CYP3A7: variants seen among roughly 807,000 people sequenced by gnomAD.
The protein encoded by CYP3A7 is cytochrome P450 3A7.
Under a neutral mutation model 55.2 loss-of-function variants are expected in CYP3A7, and 45 were observed. That is an observed-to-expected ratio of 0.82 (90% CI 0.64 to 1.05). The LOEUF is 1.05. CYP3A7 is among the 50% of genes least tolerant of loss of function. The probability of loss-of-function intolerance (pLI) is 0.00; values close to 1 mark genes in which losing one functional copy is unlikely to be tolerated. For missense variants in CYP3A7, 548 were observed against 605.3 expected (o/e 0.91, Z 0.99); for synonymous variants, 180 against 207.4 (o/e 0.87, Z 1.13).
chr7:99,707,238 TC>T (rs1469775252), intron 12 of CYP3A7, among the ~76,000 whole-genome samples: 2 of 152,202 alleles, frequency 1.3e-5, no homozygotes, highest in Non-Finnish European at 1.5e-5. Flanking sequence ...TGGTAGTCCT[TC>T]GTATCCAATA....
At chr7:99,707,667 A>AGATCATAG in intron 12 of CYP3A7, 145 bp downstream of exon 12, 2 of 1,364,538 alleles carry the variant, frequency 1.5e-6, no homozygotes, top group Non-Finnish European at 2.0e-6. Context: ...GCACCCTTAA[A>AGATCATAG]GATCATAGAT....
chr7:99,723,634 G>T (rs1814295859), intron 2 of CYP3A7, among the ~76,000 whole-genome samples: 2 of 152,066 alleles, frequency 1.3e-5, no homozygotes, highest in South Asian at 4.2e-4. Context: ...CCCTGTCCTC[G>T]CCCTCACTCC....
chr7:99,708,496 CTAA>C (rs1392153886), intron 11 of CYP3A7, among the ~76,000 whole-genome samples: 4 of 152,028 alleles, frequency 2.6e-5, no homozygotes, highest in Admixed American at 2.0e-4. Context: ...CCTCCTTCTT[CTAA>C]TCTCCATCTC....
chr7:99,715,131 C>T (rs1484909028), intron 7 of CYP3A7, among the ~76,000 whole-genome samples: 2 of 152,034 alleles, frequency 1.3e-5, no homozygotes, highest in Non-Finnish European at 2.9e-5. Flanking sequence ...CTCACACATA[C>T]GTGGAAGTTA....
At chr7:99,719,152 T>C (rs1481608883) in intron 4 of CYP3A7, among the ~76,000 whole-genome samples, 1 of 152,202 alleles carries the variant, frequency 6.6e-6, no homozygotes, top group African/African-American at 2.4e-5. Context: ...AGAGACTCAT[T>C]CTGAATTTTT....
chr7:99,714,036 G>T (rs1813847067), intron 8 of CYP3A7, among the ~76,000 whole-genome samples: 1 of 152,156 alleles, frequency 6.6e-6, no homozygotes, highest in African/African-American at 2.4e-5. Context: ...AGCCAGCCTT[G>T]CAGCCTCAAT....
chr7:99,707,802 A>G lies in CYP3A7; in HGVS notation c.1416+10T>C, dbSNP rs1200061785. On this transcript the variant is annotated intron_variant, in intron 12 of 12. Coordinates refer to ENST00000336374, the MANE Select transcript of CYP3A7 (RefSeq NM_000765.5). ...TAATAAAACATTATTAATGCAGAAA[A>G]TTGACTGACCTGTGTTTCTTTACAA... 1.9e-6 allele frequency: 3 copies of G among 1,613,630 alleles called. No homozygotes were observed. The highest frequency in any genetic ancestry group is 3.3e-5 in the Admixed American group (2 of 59,972).
chr7:99,723,685 C>A (rs1390191585), intron 2 of CYP3A7, among the ~76,000 whole-genome samples: 2 of 152,184 alleles, frequency 1.3e-5, no homozygotes, highest in Non-Finnish European at 1.5e-5. Flanking sequence ...CCAGCCAGCC[C>A]AAGGTCATCT....
intron 2 of CYP3A7, 142 bp from the exon 3 acceptor site, chr7:99,722,490 G>T: frequency 9.8e-7 from 1 of 1,024,880 alleles, no homozygotes; most frequent in Non-Finnish European, 1.4e-6. Flanking sequence ...TGTCATAAGA[G>T]AAAGGAAACA....
At position 99,710,899 on chromosome 7, in the gene CYP3A7, G is replaced by C. The variant is rs1813724600; in HGVS notation, c.866-7C>G. 6.2e-7 allele frequency: 1 copy of C among 1,613,626 alleles called. No homozygotes were observed. Among genetic ancestry groups the C allele is most frequent in the African/African-American group, 1.3e-5 (1 of 75,010 alleles). On this transcript the variant is annotated splice_region_variant and splice_polypyrimidine_tract_variant and intron_variant, in intron 9 of 12. Transcript: ENST00000336374. ...AGCTCCAGATCAGACAGAGCTGAAAGGAGAGAAAAGACATTTTAGGTAAAT... is the reference window on the plus strand; with the variant it reads ...AGCTCCAGATCAGACAGAGCTGAAACGAGAGAAAAGACATTTTAGGTAAAT...
rs1167090851 is a variant in CYP3A7 at position 99,715,901 on chromosome 7, A to C, written c.527T>G (p.Phe176Cys). The change falls in exon 7 of 13, where the codon TTT becomes TGT. Residue 176 changes from phenylalanine to cysteine, a missense_variant. Transcript: ENST00000336374. ...GATCACATCCATGCTGTAGGCCCCAAAGACGCTGAGTGGAGAAAGATGTGG... is the reference window on the plus strand; with the variant it reads ...GATCACATCCATGCTGTAGGCCCCACAGACGCTGAGTGGAGAAAGATGTGG... ...TGKPVTLKHV[F>C]GAYSMDVITS... is the part of the protein sequence containing the mutation. The C allele has an allele frequency of 1.2e-6, 2 of 1,613,776 alleles. No individual in the cohort carries two copies. Among genetic ancestry groups the C allele is most frequent in the Admixed American group, 3.3e-5 (2 of 60,000 alleles).
intron 7 of CYP3A7, 189 bp downstream of exon 7, chr7:99,715,569 T>A: frequency 9.9e-7 from 1 of 1,005,042 alleles, no homozygotes; most frequent in Non-Finnish European, 1.4e-6. Context: ...TAGCTAAACA[T>A]GTATGAGGTT....
chr7:99,724,931 G>A (rs1814350356), intron 2 of CYP3A7, among the ~76,000 whole-genome samples: 1 of 152,090 alleles, frequency 6.6e-6, no homozygotes, highest in Non-Finnish European at 1.5e-5. Context: ...AGATGAGCAG[G>A]AAAGAGTTGA....
intron 8 of CYP3A7, 117 bp downstream of exon 8, chr7:99,714,438 T>C (rs1323710141): frequency 1.2e-5 from 17 of 1,471,590 alleles, no homozygotes; most frequent in Non-Finnish European, 1.5e-5. Context: ...TAAACATAAG[T>C]ACTCTTTATG....
In CYP3A7 at chr7:99,705,471, A is replaced by G. The variant is rs12360; in HGVS notation, c.*29T>C. The G allele has an allele frequency of 0.13, 214,451 of 1,610,636 alleles. 27,059 individuals carry two copies. The highest frequency in any genetic ancestry group is 0.6 in the African/African-American group (44,623 of 74,830). The stretch of plus-strand genomic sequence containing the variant: ...TGGTGTTCTGGGGCACAGCTTTCTT[A>G]AAGAGCAAACCAGAAGTCCTTAGGG... On this transcript the variant is annotated 3_prime_UTR_variant, in exon 13 of 13. Transcript: ENST00000336374.
chr7:99,733,430 A>C (rs1282508327), intron 1 of CYP3A7, among the ~76,000 whole-genome samples: 1 of 152,178 alleles, frequency 6.6e-6, no homozygotes, highest in Non-Finnish European at 1.5e-5. Context: ...GTTACAATGA[A>C]GAGGCTAACA....
At chr7:99,718,105 C>T (rs1302025976) in intron 4 of CYP3A7, among the ~76,000 whole-genome samples, 1 of 151,960 alleles carries the variant, frequency 6.6e-6, no homozygotes, top group African/African-American at 2.4e-5. Context: ...GGGAACATCA[C>T]ACACTGGGGC....
chr7:99,733,337 C>T (rs1814700364), intron 1 of CYP3A7, among the ~76,000 whole-genome samples: 1 of 152,178 alleles, frequency 6.6e-6, no homozygotes. Flanking sequence ...CACATGATTC[C>T]ACGTCAAGGC....
rs536779003 is a variant in CYP3A7 at position 99,711,122 on chromosome 7, C to T, written c.866-230G>A. On this transcript the variant is annotated intron_variant, in intron 9 of 12. Coordinates refer to ENST00000336374, the MANE Select transcript of CYP3A7 (RefSeq NM_000765.5). ...AATGTCTTCAAGAACGTAGACCATCCGCTCCTCCTCGTGCCATCCCTGCCA... is the reference window on the plus strand; with the variant it reads ...AATGTCTTCAAGAACGTAGACCATCTGCTCCTCCTCGTGCCATCCCTGCCA... Among the ~76,000 whole-genome samples, 8 of 152,196 alleles carry T rather than the reference C, an allele frequency of 5.3e-5. No individual in the cohort carries two copies. The South Asian group carries it at 6.2e-4, about 12-fold the overall frequency.
Sources: allele counts gnomAD v4.1 joint callset (sites outside exome capture counted in the v4.1 genomes callset), GRCh38; gene constraint gnomAD v4.1.1; transcripts MANE v1.5; gene names NCBI Gene and HGNC (gene_info 2026-07-23, HGNC 2026-07-21).